Variants in OR56A3 observed in about 807,000 individuals in gnomAD.
OR56A3 encodes the protein olfactory receptor 56A3.
OR56A3 carries 23 observed loss-of-function variants against 17.5 expected under a neutral mutation model. The ratio of observed to expected loss-of-function variants is 1.32; its 90% confidence interval spans 0.95 to 1.87. The LOEUF is 1.87. OR56A3 is among the 40% of genes most tolerant of loss of function. The pLI is 0.00. For missense variants in OR56A3, 366 were observed against 380.1 expected, an observed-to-expected ratio of 0.96 and a Z score of 0.31; for synonymous variants, 175 against 150.6, an observed-to-expected ratio of 1.16 and a Z score of -1.19.
the OR56A3 span, among the ~76,000 whole-genome samples, chr11:5,964,152 A>G: frequency 6.6e-6 from 1 of 151,932 alleles, no homozygotes; most frequent in African/African-American, 2.4e-5. Context: ...GTATTTTATT[A>G]AAGTTTATTA....
chr11:5,988,856 T>G, the OR56A3 span, among the ~76,000 whole-genome samples: 1 of 152,372 alleles, frequency 6.6e-6, no homozygotes, highest in African/African-American at 2.4e-5. Flanking sequence ...GTAGGTATGT[T>G]TGTCTTAAAG....
the OR56A3 span, chr11:5,968,157 A>G: frequency 1.2e-6 from 2 of 1,614,106 alleles, no homozygotes; most frequent in Admixed American, 1.7e-5. Flanking sequence ...GCAGGACTCC[A>G]TAGTCAGAAA....
At chr11:5,965,364 G>A in the OR56A3 span, among the ~76,000 whole-genome samples, 1 of 152,226 alleles carries the variant, frequency 6.6e-6, no homozygotes, top group East Asian at 1.9e-4. Flanking sequence ...ATTGAGATTG[G>A]TGAGTCAAAA....
the OR56A3 span, chr11:6,019,296 C>G: frequency 6.6e-6 from 1 of 151,682 alleles, no homozygotes; most frequent in Non-Finnish European, 1.5e-5. Flanking sequence ...ATCAAATCCA[C>G]CAACCCATCA....
At chr11:5,984,010 C>A in the OR56A3 span, among the ~76,000 whole-genome samples, 1 of 152,098 alleles carries the variant, frequency 6.6e-6, no homozygotes, top group Non-Finnish European at 1.5e-5. Context: ...TGAGATTTTG[C>A]GATGTCTTTC....
the OR56A3 span, among the ~76,000 whole-genome samples, chr11:5,976,653 G>C: frequency 6.6e-6 from 1 of 151,932 alleles, no homozygotes; most frequent in Non-Finnish European, 1.5e-5. Context: ...ATCCAGTGCC[G>C]AGATTGGTTA....
chr11:6,019,036 C>T, the OR56A3 span, among the ~76,000 whole-genome samples: 1 of 151,572 alleles, frequency 6.6e-6, no homozygotes, highest in African/African-American at 2.4e-5. Context: ...TAATAAAAAG[C>T]CTGCCAACAA....
chr11:6,021,023 T>A, the OR56A3 span: 1 of 152,042 alleles, frequency 6.6e-6, no homozygotes, highest in Admixed American at 6.6e-5. Context: ...ATAGCAGTCC[T>A]TCTCAAGTCT....
chr11:6,014,989 C>CAAAAAAAAAA, the OR56A3 span, among the ~76,000 whole-genome samples: 321 of 35,202 alleles, frequency 9.1e-3, 82 homozygotes, highest in Non-Finnish European at 9.2e-3. Context: ...TATTCATGGG[C>CAAAAAAAAAA]AAAAAAAAAA....
chr11:5,969,282 C>G, the OR56A3 span, among the ~76,000 whole-genome samples: 1 of 152,226 alleles, frequency 6.6e-6, no homozygotes, highest in Non-Finnish European at 1.5e-5. Context: ...ATAACCTTCT[C>G]TGGTTAATTC....
At chr11:6,010,631 A>G in the OR56A3 span, among the ~76,000 whole-genome samples, 1 of 152,240 alleles carries the variant, frequency 6.6e-6, no homozygotes, top group South Asian at 2.1e-4. Flanking sequence ...AGTGTGAGAA[A>G]GAAATTGTTA....
chr11:5,963,371 T>C, the OR56A3 span, among the ~76,000 whole-genome samples: 1 of 152,208 alleles, frequency 6.6e-6, no homozygotes, highest in Non-Finnish European at 1.5e-5. Context: ...TCTGTAGTAA[T>C]GAATTCCCTC....
At chr11:5,956,644 C>T in the OR56A3 span, among the ~76,000 whole-genome samples, 1 of 152,228 alleles carries the variant, frequency 6.6e-6, no homozygotes, top group Non-Finnish European at 1.5e-5. Flanking sequence ...TGTGACTCCT[C>T]AACTTCTCAC....
the OR56A3 span, among the ~76,000 whole-genome samples, chr11:5,975,001 C>A: frequency 6.6e-6 from 1 of 152,222 alleles, no homozygotes; most frequent in South Asian, 2.1e-4. Context: ...ACTCTTCAGA[C>A]TTTTTTCCTA....
the OR56A3 span, chr11:5,985,896 T>A: frequency 6.6e-7 from 1 of 1,521,562 alleles, no homozygotes; most frequent in Non-Finnish European, 8.8e-7. Flanking sequence ...CTGGCTGTGG[T>A]CCGCAGAAGA....
At chr11:5,955,091 G>A (rs934324185), downstream of OR56A3, among the ~76,000 whole-genome samples, 5 of 152,194 alleles carry the variant, frequency 3.3e-5, no homozygotes, top group Non-Finnish European at 5.9e-5. Flanking sequence ...GAAAACATAT[G>A]CAGGGCCAGA....
the OR56A3 span, among the ~76,000 whole-genome samples, chr11:5,970,403 G>A: frequency 6.6e-6 from 1 of 152,152 alleles, no homozygotes; most frequent in African/African-American, 2.4e-5. Context: ...ATTGCATTTG[G>A]CAATTAGGTA....
the OR56A3 span, among the ~76,000 whole-genome samples, chr11:6,013,490 G>A: frequency 2.6e-5 from 4 of 152,166 alleles, no homozygotes; most frequent in Admixed American, 1.3e-4. Context: ...TGGGGACACT[G>A]CCCCAGGTAG....
the OR56A3 span, chr11:5,985,829 A>G: frequency 6.5e-5 from 64 of 981,912 alleles, no homozygotes; most frequent in Non-Finnish European, 8.6e-5. Flanking sequence ...TAAGACTAGA[A>G]GGAATACTCA....
Sources: allele counts gnomAD v4.1 joint callset (sites outside exome capture counted in the v4.1 genomes callset), GRCh38; gene constraint gnomAD v4.1.1; transcripts MANE v1.5; gene names NCBI Gene and HGNC (gene_info 2026-07-23, HGNC 2026-07-21).